ARID1B: variants seen among roughly 807,000 people sequenced by gnomAD.
ARID1B encodes AT-rich interaction domain 1B, also known as AT-rich interactive domain-containing protein 1B.
In ARID1B, 30 loss-of-function variants were observed where a neutral mutation model predicts 212.3. The ratio of observed to expected loss-of-function variants is 0.14; its 90% CI spans 0.11 to 0.19. The LOEUF (loss-of-function observed/expected upper bound fraction) is 0.19. Among genes scored for constraint, ARID1B ranks in the 10% least tolerant of loss-of-function variants. The probability of loss-of-function intolerance (pLI) is 1.00; values close to 1 mark genes in which losing one functional copy is unlikely to be tolerated. For synonymous variants in ARID1B, 1,402 were observed against 1,301.7 expected, an observed-to-expected ratio of 1.08 and a Z score of -1.66; for missense variants, 2,891 against 3,204.0, an observed-to-expected ratio of 0.90 and a Z score of 2.36.
At chr6:157,152,738 A>G (rs1444954069) in intron 8 of ARID1B, among the ~76,000 whole-genome samples, 2 of 152,092 alleles carry the variant, frequency 1.3e-5, no homozygotes. Flanking sequence ...GTTGCAGCAA[A>G]CTCGTGGTTT....
intron 3 of ARID1B, among the ~76,000 whole-genome samples, chr6:156,924,694 G>T (rs868037331): frequency 6.6e-6 from 1 of 152,158 alleles, no homozygotes; most frequent in Non-Finnish European, 1.5e-5. Flanking sequence ...TAAGGGTGGT[G>T]GGGAGCTACT....
rs1210635068 is a variant in ARID1B at position 156,778,811 on chromosome 6, G to T, written c.1131G>T (p.Gln377His). Residue 377 changes from glutamine to histidine, a missense_variant, in exon 1 of 20, where the codon CAG (glutamine) becomes CAT (histidine). By Grantham distance (24) the Gln-to-His change is conservative. Transcript: ENST00000636930. ...QNSHEGYPNS[Q>H]CNHYPGYSRP... ...CCCACGAAGGGTACCCCAACAGCCA[G>T]TGCAACCATTATCCGGGCTACAGCC... The T allele has an allele frequency of 6.7e-7, 1 of 1,485,826 alleles. No individual in the cohort carries two copies. Among genetic ancestry groups the T allele is most frequent in the South Asian group, 1.3e-5 (1 of 77,586 alleles). 92.0% of individuals were successfully genotyped at this position (1,485,826 alleles called of 1,614,324 possible).
In ARID1B at chr6:157,201,618, G is replaced by A. The variant is rs1454271424; in HGVS notation, c.5263+130G>A. On this transcript the variant is annotated intron_variant, in intron 18 of 19. Coordinates refer to ENST00000636930, the MANE Select transcript of ARID1B (RefSeq NM_001374828.1). The surrounding 1 kb of genome is among the most constrained non-coding windows in gnomAD (Gnocchi z 5.2). Reference sequence around the variant, plus strand: ...TTATGACTAGAAGTTATCAAGATGCGTTTTTATATAGGAGTAATATAGTTG... The same window carrying A: ...TTATGACTAGAAGTTATCAAGATGCATTTTTATATAGGAGTAATATAGTTG... The A allele has an allele frequency of 1.6e-5, 18 of 1,106,590 alleles. No individual in the cohort carries two copies. Among genetic ancestry groups the A allele is most frequent in the Admixed American group, 6.1e-5 (2 of 32,728 alleles). 68.5% of individuals were successfully genotyped at this position (1,106,590 alleles called of 1,614,324 possible). A position where few individuals can be genotyped will look rare whatever the true frequency, so the allele number is the denominator to read the frequency against.
intron 4 of ARID1B, among the ~76,000 whole-genome samples, chr6:157,056,802 T>A (rs1215628841): frequency 6.6e-6 from 1 of 152,134 alleles, no homozygotes; most frequent in African/African-American, 2.4e-5. Flanking sequence ...AATTGAATTT[T>A]GTTTAATTTT....
chr6:156,847,989 A>C (rs564791767), intron 2 of ARID1B, among the ~76,000 whole-genome samples: 16 of 152,184 alleles, frequency 1.1e-4, no homozygotes, highest in Non-Finnish European at 2.4e-4. Context: ...GACAGGTGAT[A>C]CTAAGCATTC....
chr6:157,068,280 T>C (rs1005109755), intron 4 of ARID1B, among the ~76,000 whole-genome samples: 1 of 152,230 alleles, frequency 6.6e-6, no homozygotes, highest in Non-Finnish European at 1.5e-5. Context: ...TGTGTTGTAT[T>C]AGAGGTGGGC....
Position 156,925,430 on chromosome 6 carries a change from G to A in ARID1B, c.2137-10036G>A, listed in dbSNP as rs1791138600. Among the ~76,000 whole-genome samples, 6 of 152,204 alleles carry A rather than the reference G, an allele frequency of 3.9e-5. No individual in the cohort carries two copies. In the South Asian group the frequency reaches 1.2e-3, roughly 32 times the overall value. On this transcript the variant is annotated intron_variant, in intron 3 of 19. Coordinates refer to ENST00000636930, the MANE Select transcript of ARID1B (RefSeq NM_001374828.1). ...AGGCTTAGGAGAAAGGATCCACTGA[G>A]CCCAGGAGTTTGAGTCACAGTGAGC...
chr6:156,951,528 C>T (rs1280295782), intron 4 of ARID1B, among the ~76,000 whole-genome samples: 1 of 152,010 alleles, frequency 6.6e-6, no homozygotes, highest in East Asian at 1.9e-4. Context: ...ACTGCAAGCT[C>T]CACCTCCTGG....
chr6:156,840,087 G>A (rs1437270144), intron 2 of ARID1B, among the ~76,000 whole-genome samples: 1 of 152,070 alleles, frequency 6.6e-6, no homozygotes, highest in Non-Finnish European at 1.5e-5. Context: ...CTTCAGTGTC[G>A]CCTCCTGTAG....
intron 4 of ARID1B, among the ~76,000 whole-genome samples, chr6:156,990,913 A>G (rs1332579390): frequency 6.6e-6 from 1 of 152,244 alleles, no homozygotes; most frequent in Non-Finnish European, 1.5e-5. Context: ...CACAGCCAAG[A>G]TGATTAATAA....
intron 2 of ARID1B, among the ~76,000 whole-genome samples, chr6:156,883,125 C>T (rs941436574): frequency 1.3e-5 from 2 of 152,208 alleles, no homozygotes; most frequent in Admixed American, 6.5e-5. Flanking sequence ...CTCCCCATAC[C>T]GACAGCATCT....
Position 157,203,843 on chromosome 6 carries a change from T to C in ARID1B, c.5264-23T>C. ...ATGCATAGAGTCAACATTCATGATATCCTTGTTCTTCCCCATCTTCAGTTA... is the reference window on the plus strand; with the variant it reads ...ATGCATAGAGTCAACATTCATGATACCCTTGTTCTTCCCCATCTTCAGTTA... On this transcript the variant is annotated intron_variant, in intron 18 of 19. Transcript: ENST00000636930. This position sits in a 1 kb window ranked among gnomAD's most constrained non-coding sequence, Gnocchi z 4.4. The C allele has an allele frequency of 4.3e-6, 7 of 1,613,836 alleles. No homozygotes were observed. The highest frequency in any genetic ancestry group is 1.1e-5 in the South Asian group (1 of 91,060).
At chr6:156,964,096 G>A (rs2128329438) in intron 4 of ARID1B, among the ~76,000 whole-genome samples, 1 of 152,358 alleles carries the variant, frequency 6.6e-6, no homozygotes, top group South Asian at 2.1e-4. Context: ...AGTTGTGGGG[G>A]ATGTTGTCCC....
intron 3 of ARID1B, among the ~76,000 whole-genome samples, chr6:156,904,929 T>A (rs1375022101): frequency 3.3e-5 from 5 of 152,246 alleles, no homozygotes; most frequent in African/African-American, 1.2e-4. Flanking sequence ...ATATCTCATT[T>A]GTGTATATGC....
chr6:157,097,251 G>C (rs1785702679), intron 5 of ARID1B, among the ~76,000 whole-genome samples: 1 of 152,114 alleles, frequency 6.6e-6, no homozygotes, highest in Admixed American at 6.5e-5. Context: ...TATCTAAATG[G>C]AGAATTTATA....
At chr6:156,958,970 C>T (rs1794166422) in intron 4 of ARID1B, among the ~76,000 whole-genome samples, 1 of 152,196 alleles carries the variant, frequency 6.6e-6, no homozygotes, top group Non-Finnish European at 1.5e-5. Flanking sequence ...TCATTAACTA[C>T]TCATATGTGC....
rs1554287218 is a variant in ARID1B, at chr6:157,039,694, C to CTTCCTT, written c.2248-44965_2248-44964insCTTTTC. ...CCTTCCTTCCTTCCTTCCTTCCTTC[C>CTTCCTT]TTCTTTCTTTCCTTTCTTTCCTTCC... On this transcript the variant is annotated intron_variant, in intron 4 of 19. Transcript: ENST00000636930. 4.0e-3 allele frequency among the ~76,000 whole-genome samples: 235 copies of CTTCCTT among 58,450 alleles called. 14 individuals carry two copies. The East Asian group carries it at 0.071, about 18-fold the overall frequency. The allele number at this position is 58,450 out of a possible 152,430, so 38.3% of individuals were successfully genotyped here. A position where few individuals can be genotyped will look rare whatever the true frequency, so the allele number is the denominator to read the frequency against.
chr6:157,061,398 A>T (rs1006102797), intron 4 of ARID1B, among the ~76,000 whole-genome samples: 2 of 152,214 alleles, frequency 1.3e-5, no homozygotes, highest in African/African-American at 4.8e-5. Context: ...TCCACATGTC[A>T]ACCCTGCAAG....
chr6:157,125,961 G>A (rs763859130), intron 6 of ARID1B, among the ~76,000 whole-genome samples: 6 of 152,096 alleles, frequency 3.9e-5, no homozygotes, highest in Non-Finnish European at 7.4e-5. Context: ...TAAAATTTCA[G>A]TTCCTCGAGG....
Sources: allele counts gnomAD v4.1 joint callset (sites outside exome capture counted in the v4.1 genomes callset), GRCh38; gene constraint gnomAD v4.1.1; non-coding constraint Gnocchi (gnomAD v3.1); transcripts MANE v1.5; gene names NCBI Gene and HGNC (gene_info 2026-07-23, HGNC 2026-07-21).